Variants in MTREX observed in about 807,000 individuals in gnomAD.
MTREX encodes the protein exosome RNA helicase MTR4.
MTREX carries 76 observed loss-of-function variants against 135.4 expected under a neutral mutation model. That is an observed-to-expected ratio of 0.56 (90% CI 0.47 to 0.68). The LOEUF is 0.68. MTREX is among the 30% of genes least tolerant of loss of function. The pLI is 0.00. For missense variants in MTREX, 920 were observed against 1,262.1 expected, an observed-to-expected ratio of 0.73 and a Z score of 4.11; for synonymous variants, 404 against 401.6, an observed-to-expected ratio of 1.01 and a Z score of -0.07.
intron 15 of MTREX, among the ~76,000 whole-genome samples, chr5:55,360,192 C>T (rs1191252093): frequency 6.6e-6 from 1 of 152,108 alleles, no homozygotes; most frequent in African/African-American, 2.4e-5. Flanking sequence ...TAAACAGACT[C>T]GTATAATGTG....
At chr5:55,369,109 TAATA>T (rs1333347544) in intron 16 of MTREX, among the ~76,000 whole-genome samples, 2 of 150,674 alleles carry the variant, frequency 1.3e-5, no homozygotes, top group African/African-American at 4.8e-5. Context: ...ATTGTATTAA[TAATA>T]AATTTTATTT....
intron 12 of MTREX, among the ~76,000 whole-genome samples, chr5:55,350,521 G>A (rs1000589228): frequency 1.3e-5 from 2 of 152,102 alleles, no homozygotes; most frequent in African/African-American, 4.8e-5. Flanking sequence ...TTTATTTTTA[G>A]ATTAAGTACA....
Position 55,402,795 on chromosome 5 carries a change from CAT to C in MTREX, c.2481+2375_2481+2376del, listed in dbSNP as rs566100000. Among the ~76,000 whole-genome samples the C allele has an allele frequency of 2.8e-3, 419 of 147,392 alleles. 3 individuals carry two copies. The highest frequency in any genetic ancestry group is 2.2e-3 in the Non-Finnish European group (146 of 67,304). ...TAATGTGCTTATATGTATATAAGCA[CAT>C]GATATATAAATATAAGCACATTATA... On this transcript the variant is annotated intron_variant, in intron 21 of 26. Coordinates refer to ENST00000230640, the MANE Select transcript of MTREX (RefSeq NM_015360.5).
chr5:55,377,523 G>A (rs1297258032), intron 16 of MTREX, among the ~76,000 whole-genome samples: 2 of 152,076 alleles, frequency 1.3e-5, no homozygotes, highest in African/African-American at 4.8e-5. Flanking sequence ...TCAAATAAAA[G>A]CCTGCAAACC....
At chr5:55,323,569 C>T (rs942819145) in intron 2 of MTREX, among the ~76,000 whole-genome samples, 13 of 152,004 alleles carry the variant, frequency 8.6e-5, no homozygotes, top group Non-Finnish European at 1.5e-4. Context: ...ACTACAGGCG[C>T]GTGCCACCAC....
chr5:55,402,973 G>GATCACTTGAA (rs1561209823), intron 21 of MTREX, among the ~76,000 whole-genome samples: 1 of 151,586 alleles, frequency 6.6e-6, no homozygotes, highest in Non-Finnish European at 1.5e-5. Context: ...AAGGCGGGAA[G>GATCACTTGAA]ATCACTTGAA....
intron 1 of MTREX, among the ~76,000 whole-genome samples, chr5:55,312,765 A>G (rs1415211057): frequency 6.6e-6 from 1 of 152,124 alleles, no homozygotes; most frequent in Middle Eastern, 3.2e-3. Context: ...TGAAACTTGG[A>G]TTTCCAATCT....
At chr5:55,383,353 A>T (rs991266261) in intron 18 of MTREX, among the ~76,000 whole-genome samples, 2 of 152,148 alleles carry the variant, frequency 1.3e-5, no homozygotes, top group Admixed American at 6.5e-5. Flanking sequence ...TGTAAGGTGG[A>T]TCTGCCAGAA....
intron 6 of MTREX, 56 bp from the exon 7 acceptor site, chr5:55,341,625 A>C (rs1749650539): frequency 3.5e-6 from 3 of 864,988 alleles, no homozygotes; most frequent in South Asian, 3.8e-5. Flanking sequence ...CTTTTCTCTA[A>C]CTATTAGCTG....
intron 16 of MTREX, among the ~76,000 whole-genome samples, chr5:55,376,038 TC>T (rs1438076123): frequency 6.6e-6 from 1 of 152,176 alleles, no homozygotes; most frequent in African/African-American, 2.4e-5. Flanking sequence ...GAAACATAGT[TC>T]CAAAATTTAC....
intron 16 of MTREX, among the ~76,000 whole-genome samples, chr5:55,376,200 C>T (rs1750298286): frequency 6.6e-6 from 1 of 152,156 alleles, no homozygotes; most frequent in Non-Finnish European, 1.5e-5. Flanking sequence ...TAGTTATGTC[C>T]AATGATAAAT....
intron 13 of MTREX, among the ~76,000 whole-genome samples, chr5:55,352,655 T>C (rs984610897): frequency 2.0e-5 from 3 of 152,236 alleles, no homozygotes; most frequent in Admixed American, 6.5e-5. Context: ...AAAATATTTT[T>C]ACTTCTTTCC....
At chr5:55,384,589 T>G (rs1196113601) in intron 18 of MTREX, among the ~76,000 whole-genome samples, 2 of 152,208 alleles carry the variant, frequency 1.3e-5, no homozygotes, top group South Asian at 2.1e-4. Flanking sequence ...GTCTCTTTTT[T>G]GATAATATAT....
chr5:55,386,601 T>C (rs970061824), intron 18 of MTREX, among the ~76,000 whole-genome samples: 2 of 152,182 alleles, frequency 1.3e-5, no homozygotes, highest in African/African-American at 4.8e-5. Context: ...TTAGTAGCTC[T>C]GCAAAAATAG....
intron 26 of MTREX, 162 bp downstream of exon 26, chr5:55,423,144 A>G (rs1029095986): frequency 6.0e-5 from 36 of 604,510 alleles, no homozygotes; most frequent in African/African-American, 5.8e-4. Flanking sequence ...GTGTTGGGGG[A>G]AAAGTTGAGA....
intron 25 of MTREX, among the ~76,000 whole-genome samples, chr5:55,418,124 C>T (rs1288543354): frequency 6.6e-6 from 1 of 150,514 alleles, no homozygotes; most frequent in Non-Finnish European, 1.5e-5. Context: ...GTCCCAGCTA[C>T]TCGGGAGGCT....
chr5:55,346,873 C>G, intron 10 of MTREX, 140 bp from the exon 11 acceptor site: 1 of 607,038 alleles, frequency 1.6e-6, no homozygotes, highest in Non-Finnish European at 2.7e-6. Flanking sequence ...GTTGTCATAT[C>G]TAAGAATGCT....
At chr5:55,318,123 G>C (rs1198037291) in intron 1 of MTREX, among the ~76,000 whole-genome samples, 2 of 152,174 alleles carry the variant, frequency 1.3e-5, no homozygotes, top group South Asian at 2.1e-4. Flanking sequence ...AAAAATAGCA[G>C]ATGCTGTCAA....
rs1750785021 is a variant in MTREX, at chr5:55,405,331, T to C, written c.2482-94T>C. On this transcript the variant is annotated intron_variant, in intron 21 of 26. Coordinates refer to ENST00000230640, the MANE Select transcript of MTREX (RefSeq NM_015360.5). ...CCCAGAAGTATACTGTAAGATGTTC[T>C]TTAAAAATATTTTTTGTTTGATTTC... is the stretch of plus-strand genomic sequence containing the variant. 3.5e-6 allele frequency: 4 copies of C among 1,132,316 alleles called. No homozygotes were observed. The African/African-American group carries it at 4.7e-5, about 13-fold the overall frequency. The allele number at this position is 1,132,316 out of a possible 1,614,324, so 70.1% of individuals were successfully genotyped here.
Sources: allele counts gnomAD v4.1 joint callset (sites outside exome capture counted in the v4.1 genomes callset), GRCh38; gene constraint gnomAD v4.1.1; transcripts MANE v1.5; gene names NCBI Gene and HGNC (gene_info 2026-07-23, HGNC 2026-07-21).